Variants in EXPH5 observed in about 807,000 individuals in gnomAD.
EXPH5 encodes the protein exophilin-5.
In EXPH5, 42 loss-of-function variants were observed where a neutral mutation model predicts 41.1. The ratio of observed to expected loss-of-function variants is 1.02; its 90% CI spans 0.80 to 1.32. EXPH5 has a LOEUF of 1.32. EXPH5 is among the 40% of genes most tolerant of loss of function. The pLI is 0.00. For synonymous variants in EXPH5, 798 were observed against 833.5 expected (o/e 0.96, Z 0.73); for missense variants, 2,298 against 2,314.5 (o/e 0.99, Z 0.15).
chr11:108,512,115 T>A lies in EXPH5; in HGVS notation c.3392A>T (p.His1131Leu). 6.2e-7 allele frequency: 1 copy of A among 1,613,846 alleles called. No individual in the cohort carries two copies. ...TCTTCCTTCTCTTCCAGTTGAGGCATGTGGCTCCCCTGAGGGACATGACAT... is the reference window on the plus strand; with the variant it reads ...TCTTCCTTCTCTTCCAGTTGAGGCAAGTGGCTCCCCTGAGGGACATGACAT... The part of the protein sequence containing the change: ...RAMSCPSGEP[H>L]ASTGREGRKK... Residue 1131 changes from histidine (H) to leucine (L), a missense_variant, in exon 6 of 6, where the codon CAT (histidine) becomes CTT (leucine). By Grantham distance (99) the His-to-Leu change is moderately conservative. Transcript: ENST00000265843.
At chr11:108,573,894 T>TTTTA (rs1224717096) in intron 1 of EXPH5, among the ~76,000 whole-genome samples, 44 of 151,928 alleles carry the variant, frequency 2.9e-4, no homozygotes, top group Admixed American at 1.4e-3. Flanking sequence ...AAAGATTTTA[T>TTTTA]TTTATTTATT....
chr11:108,599,816 T>A, the EXPH5 span, among the ~76,000 whole-genome samples: 1 of 152,124 alleles, frequency 6.6e-6, no homozygotes, highest in African/African-American at 2.4e-5. Flanking sequence ...GAAAGCAGGG[T>A]AAGTGAGAGC....
At chr11:108,581,484 G>T (rs2094098035) in intron 1 of EXPH5, among the ~76,000 whole-genome samples, 1 of 151,914 alleles carries the variant, frequency 6.6e-6, no homozygotes, top group Non-Finnish European at 1.5e-5. Context: ...TATACTTCAT[G>T]AATATGTACA....
At chr11:108,531,508 T>G (rs2093837604) in intron 3 of EXPH5, among the ~76,000 whole-genome samples, 1 of 152,224 alleles carries the variant, frequency 6.6e-6, no homozygotes, top group Admixed American at 6.5e-5. Flanking sequence ...CCCTGGATAA[T>G]CCAGAACCCT....
intron 3 of EXPH5, among the ~76,000 whole-genome samples, chr11:108,535,881 T>C (rs2093876446): frequency 6.6e-6 from 1 of 152,196 alleles, no homozygotes. Context: ...TAGATTCTGC[T>C]TGGCAGCTGA....
At position 108,506,562 on chromosome 11, in the gene EXPH5, G is replaced by A. The variant is rs1439331381; in HGVS notation, c.*2975C>T. 1 of 151,972 alleles carries A rather than the reference G, an allele frequency of 6.6e-6. No individual in the cohort carries two copies. Among genetic ancestry groups the A allele is most frequent in the African/African-American group, 2.4e-5 (1 of 41,352 alleles). The allele number at this position is 151,972 out of a possible 1,614,324, so 9.4% of individuals were successfully genotyped here. On this transcript the variant is annotated 3_prime_UTR_variant, in exon 6 of 6. Transcript: ENST00000265843. The stretch of plus-strand genomic sequence containing the variant: ...CTTTTGTAGCATACACGTAGACTCA[G>A]AGTATATACTGAAATATAATTTGAA...
At chr11:108,550,829 T>G (rs1221486534) in intron 1 of EXPH5, among the ~76,000 whole-genome samples, 1 of 151,626 alleles carries the variant, frequency 6.6e-6, no homozygotes, top group Non-Finnish European at 1.5e-5. Flanking sequence ...TTTGGGGTGG[T>G]TCGTTATGTA....
intron 1 of EXPH5, among the ~76,000 whole-genome samples, chr11:108,546,058 G>A (rs1413146189): frequency 6.6e-6 from 1 of 152,078 alleles, no homozygotes; most frequent in Admixed American, 6.5e-5. Flanking sequence ...GGGTCTGAGA[G>A]AGAGCTTTCC....
At position 108,511,132 on chromosome 11, in the gene EXPH5, T is replaced by C; in HGVS notation, c.4375A>G (p.Ser1459Gly). Residue 1459 changes from serine to glycine, a missense_variant, in exon 6 of 6, where the codon AGT (serine) becomes GGT (glycine). Transcript: ENST00000265843. Reference sequence around the variant, plus strand: ...TGATCTTTCTGGGGACACTTGCCACTTCCAGTAAATGGAATGGCTCTACCA... The same window carrying C: ...TGATCTTTCTGGGGACACTTGCCACCTCCAGTAAATGGAATGGCTCTACCA... ...GSGRAIPFTG[S>G]GKCPQKDHTS... is the part of the protein sequence containing the mutation. 1 of 1,613,846 alleles carries C rather than the reference T, an allele frequency of 6.2e-7. No homozygotes were observed. Among genetic ancestry groups the C allele is most frequent in the Non-Finnish European group, 8.5e-7 (1 of 1,179,900 alleles).
intron 1 of EXPH5, among the ~76,000 whole-genome samples, chr11:108,588,208 AT>A (rs555712025): frequency 3.3e-5 from 5 of 152,248 alleles, no homozygotes; most frequent in Admixed American, 1.3e-4. Flanking sequence ...GTTGCCAGCA[AT>A]TTTTTCTATA....
intron 5 of EXPH5, among the ~76,000 whole-genome samples, chr11:108,517,714 A>G (rs773488855): frequency 1.7e-4 from 26 of 152,204 alleles, no homozygotes; most frequent in Admixed American, 3.3e-4. Flanking sequence ...AAAGTCTATT[A>G]AACAGCAAAC....
At chr11:108,598,577 A>T (rs115588291), upstream of EXPH5, among the ~76,000 whole-genome samples, 538 of 152,222 alleles carry the variant, frequency 3.5e-3, 2 homozygotes, top group African/African-American at 0.012. Flanking sequence ...AGGAGGGGAT[A>T]ATCTTACATG....
chr11:108,557,221 T>C (rs2093993814), intron 1 of EXPH5, among the ~76,000 whole-genome samples: 1 of 152,194 alleles, frequency 6.6e-6, no homozygotes, highest in Non-Finnish European at 1.5e-5. Flanking sequence ...TTTGTTTGCT[T>C]GTTTTGAGAT....
At chr11:108,583,239 G>A (rs1038830929) in intron 1 of EXPH5, among the ~76,000 whole-genome samples, 85 of 151,988 alleles carry the variant, frequency 5.6e-4, no homozygotes, top group African/African-American at 2.0e-3. Context: ...AAAATTAGCC[G>A]GGCGTGGTGG....
chr11:108,590,316 T>C (rs963658226), intron 1 of EXPH5, among the ~76,000 whole-genome samples: 3 of 152,236 alleles, frequency 2.0e-5, no homozygotes, highest in Non-Finnish European at 4.4e-5. Flanking sequence ...CCATCTGTTA[T>C]GTTTACTGTT....
At chr11:108,581,746 C>T (rs936152826) in intron 1 of EXPH5, among the ~76,000 whole-genome samples, 1 of 151,854 alleles carries the variant, frequency 6.6e-6, no homozygotes, top group Admixed American at 6.6e-5. Context: ...ATTTGATAAA[C>T]CTTTAACACG....
At position 108,505,985 on chromosome 11, in the gene EXPH5, TAA is replaced by T. The variant is rs1322159131; in HGVS notation, c.*3550_*3551del. 2 of 152,198 alleles carry T rather than the reference TAA, an allele frequency of 1.3e-5. No individual in the cohort carries two copies. The highest frequency in any genetic ancestry group is 4.8e-5 in the African/African-American group (2 of 41,454). The allele number at this position is 152,198 out of a possible 1,614,324, so 9.4% of individuals were successfully genotyped here. A position where few individuals can be genotyped will look rare whatever the true frequency, so the allele number is the denominator to read the frequency against. ...AGTAAATTATTTAGAGGGGAGTCTC[TAA>T]AAATTAAAATAACTTCATTAAACCC... On this transcript the variant is annotated 3_prime_UTR_variant, in exon 6 of 6. Transcript: ENST00000265843.
intron 1 of EXPH5, among the ~76,000 whole-genome samples, chr11:108,590,539 C>T (rs960914382): frequency 2.0e-5 from 3 of 152,160 alleles, no homozygotes; most frequent in African/African-American, 7.2e-5. Context: ...AGGAACTTTT[C>T]TGTGGGTGGG....
the EXPH5 span, among the ~76,000 whole-genome samples, chr11:108,604,816 G>A: frequency 6.6e-6 from 1 of 152,136 alleles, no homozygotes; most frequent in Non-Finnish European, 1.5e-5. Context: ...GGAAATTCAG[G>A]TTATTAGGAT....
Sources: allele counts gnomAD v4.1 joint callset (sites outside exome capture counted in the v4.1 genomes callset), GRCh38; gene constraint gnomAD v4.1.1; transcripts MANE v1.5; gene names NCBI Gene and HGNC (gene_info 2026-07-23, HGNC 2026-07-21).